ERICH6B: variants seen among roughly 807,000 people sequenced by gnomAD.
ERICH6B encodes the protein glutamate-rich protein 6B.
Under a neutral mutation model 80.0 loss-of-function variants are expected in ERICH6B, and 69 were observed. The observed-to-expected ratio is 0.86, with a 90% confidence interval of 0.71 to 1.05. ERICH6B has a LOEUF of 1.05. ERICH6B is among the 50% of genes least tolerant of loss of function. The pLI, the probability that ERICH6B is intolerant of heterozygous loss-of-function variation, is 0.00. For missense variants in ERICH6B, 754 were observed against 796.1 expected (o/e 0.95, Z 0.64); for synonymous variants, 283 against 291.9 (o/e 0.97, Z 0.31).
chr13:45,553,558 T>G (rs1250604881), intron 11 of ERICH6B, among the ~76,000 whole-genome samples: 1 of 152,182 alleles, frequency 6.6e-6, no homozygotes, highest in Non-Finnish European at 1.5e-5. Context: ...AGTGGCTGTT[T>G]CCTTATGCCG....
At chr13:45,597,551 T>C (rs1418060606) in intron 2 of ERICH6B, among the ~76,000 whole-genome samples, 1 of 152,158 alleles carries the variant, frequency 6.6e-6, no homozygotes, top group African/African-American at 2.4e-5. Context: ...TTAAGGCCCC[T>C]GTGGTCAGAA....
chr13:45,571,187 G>A (rs769389775), intron 8 of ERICH6B, among the ~76,000 whole-genome samples: 2 of 152,138 alleles, frequency 1.3e-5, no homozygotes, highest in African/African-American at 2.4e-5. Flanking sequence ...AGGAGGAAAG[G>A]ACTCCTCAGC....
intron 9 of ERICH6B, among the ~76,000 whole-genome samples, chr13:45,565,695 T>G (rs898958175): frequency 6.6e-6 from 1 of 152,274 alleles, no homozygotes; most frequent in African/African-American, 2.4e-5. Context: ...ACCATGATTC[T>G]GAGGCCTCCC....
At chr13:45,559,327 A>G (rs563192327) in intron 11 of ERICH6B, among the ~76,000 whole-genome samples, 1 of 151,920 alleles carries the variant, frequency 6.6e-6, no homozygotes, top group South Asian at 2.1e-4. Flanking sequence ...AGGGTCTATC[A>G]ATTTTATTTA....
chr13:45,564,689 C>T (rs1440024911), intron 9 of ERICH6B, among the ~76,000 whole-genome samples: 4 of 152,192 alleles, frequency 2.6e-5, no homozygotes, highest in Admixed American at 6.5e-5. Flanking sequence ...ATGTTATTCA[C>T]TTATAATGCA....
intron 8 of ERICH6B, 31 bp downstream of exon 8, chr13:45,574,811 G>GGGT (rs1555304289): frequency 6.7e-7 from 1 of 1,487,352 alleles, no homozygotes; most frequent in African/African-American, 1.5e-5. Context: ...AGGAAGCTGG[G>GGGT]GGGGGGGTCT....
chr13:45,561,595 T>C (rs2137976113), intron 10 of ERICH6B, 69 bp from the exon 11 acceptor site: 1 of 1,515,974 alleles, frequency 6.6e-7, no homozygotes, highest in African/African-American at 1.4e-5. Context: ...CTTAGATCTG[T>C]CTCTCTCAAG....
At chr13:45,560,652 T>A (rs1874633303) in intron 11 of ERICH6B, among the ~76,000 whole-genome samples, 1 of 152,228 alleles carries the variant, frequency 6.6e-6, no homozygotes, top group African/African-American at 2.4e-5. Flanking sequence ...CAACTGCTGA[T>A]CTTTTTACTG....
intron 1 of ERICH6B, among the ~76,000 whole-genome samples, chr13:45,611,427 C>A (rs1435328185): frequency 6.6e-6 from 1 of 152,210 alleles, no homozygotes; most frequent in East Asian, 1.9e-4. Context: ...ATTAAAGAAG[C>A]TTTCACACAA....
chr13:45,606,525 ATATATATATATATATATATATATTTTTT>A (rs1223552631), intron 2 of ERICH6B, among the ~76,000 whole-genome samples: 5 of 32,052 alleles, frequency 1.6e-4, no homozygotes, highest in African/African-American at 2.9e-4. Context: ...ATATATATAT[ATATATATATATATATATATATATTTTTT>A]TTTTTTTTTT....
chr13:45,553,697 A>G lies in ERICH6B; in HGVS notation c.1408-3381T>C, dbSNP rs540309763. On this transcript the variant is annotated intron_variant, in intron 11 of 14. Coordinates refer to ENST00000298738, the MANE Select transcript of ERICH6B (RefSeq NM_182542.3). ...TCTAGTTAGAAGAGAGCCAGGCTCC[A>G]GCAATCTGACCCCCAAGCTTCAGAT... 4.4e-4 allele frequency among the ~76,000 whole-genome samples: 67 copies of G among 152,344 alleles called. 1 individual carries two copies. The South Asian group carries it at 5.6e-3, about 13-fold the overall frequency.
intron 7 of ERICH6B, among the ~76,000 whole-genome samples, chr13:45,577,312 T>C (rs1403871922): frequency 8.2e-6 from 1 of 122,052 alleles, no homozygotes; most frequent in Non-Finnish European, 1.6e-5. Context: ...TGAGACGGAG[T>C]ATCGCTCTGT....
At chr13:45,545,150 C>A (rs1873943980) in intron 13 of ERICH6B, among the ~76,000 whole-genome samples, 165 bp from the exon 14 acceptor site, 1 of 152,206 alleles carries the variant, frequency 6.6e-6, no homozygotes, top group African/African-American at 2.4e-5. Context: ...ACACCAGGCA[C>A]TGTCCCCTGC....
At chr13:45,595,211 G>C (rs973308467) in intron 3 of ERICH6B, among the ~76,000 whole-genome samples, 5 of 152,134 alleles carry the variant, frequency 3.3e-5, no homozygotes, top group South Asian at 2.1e-4. Context: ...CTCTGATAAA[G>C]CAGTTCACCA....
chr13:45,576,237 T>C (rs1875397137), intron 7 of ERICH6B, among the ~76,000 whole-genome samples: 1 of 152,248 alleles, frequency 6.6e-6, no homozygotes, highest in African/African-American at 2.4e-5. Context: ...GCAAACCTTC[T>C]TCTGCAGCCT....
intron 3 of ERICH6B, among the ~76,000 whole-genome samples, chr13:45,591,777 C>A (rs369629648): frequency 6.6e-6 from 1 of 152,162 alleles, no homozygotes; most frequent in South Asian, 2.1e-4. Context: ...CAAACAATGG[C>A]GGCAGAGAGA....
intron 11 of ERICH6B, among the ~76,000 whole-genome samples, chr13:45,555,050 CTGCAGGGAGGACATTTTAGATG>C (rs1200764960): frequency 1.8e-4 from 28 of 152,140 alleles, no homozygotes; most frequent in Admixed American, 1.6e-3. Context: ...TTCCTCTTGG[CTGCAGGGAGGACATTTTAGATG>C]TTAGTGGGGA....
chr13:45,608,187 G>A (rs1949880472), intron 1 of ERICH6B, among the ~76,000 whole-genome samples: 1 of 152,106 alleles, frequency 6.6e-6, no homozygotes, highest in Non-Finnish European at 1.5e-5. Flanking sequence ...ATTGTGGGGA[G>A]GAAATAAAAA....
At chr13:45,568,537 T>C in intron 8 of ERICH6B, 86 bp from the exon 9 acceptor site, 1 of 1,239,364 alleles carries the variant, frequency 8.1e-7, no homozygotes, top group Non-Finnish European at 1.1e-6. Context: ...TCAAAGGTAC[T>C]GTGTGACACT....
Sources: gnomAD v4.1 joint callset for allele counts (sites outside exome capture counted in the v4.1 genomes callset) on GRCh38, gnomAD v4.1.1 for gene constraint, MANE v1.5 for transcripts, NCBI Gene and HGNC (gene_info 2026-07-23, HGNC 2026-07-21) for gene names.